Variants in CPNE8 observed in about 807,000 individuals in gnomAD.
The protein encoded by CPNE8 is copine 8.
A neutral mutation model predicts 81.5 loss-of-function variants in CPNE8; 45 were observed. The observed-to-expected ratio is 0.55, with a 90% confidence interval of 0.44 to 0.71. The LOEUF (loss-of-function observed/expected upper bound fraction) is 0.71. Ranked by LOEUF, CPNE8 falls within the 30% of genes least tolerant of loss-of-function variation. CPNE8 has a pLI of 0.00. For missense variants in CPNE8, 594 were observed against 672.1 expected, an observed-to-expected ratio of 0.88 and a Z score of 1.28; for synonymous variants, 252 against 226.3, an observed-to-expected ratio of 1.11 and a Z score of -1.02.
chr12:38,863,487 AACAACAAAAGCT>A (rs1349057998), intron 3 of CPNE8, among the ~76,000 whole-genome samples: 1 of 152,242 alleles, frequency 6.6e-6, no homozygotes, highest in Non-Finnish European at 1.5e-5. Flanking sequence ...GCGTAATCTT[AACAACAAAAGCT>A]ACAAGTTTAT....
chr12:38,750,372 C>T (rs1941330110), intron 10 of CPNE8, among the ~76,000 whole-genome samples: 1 of 152,148 alleles, frequency 6.6e-6, no homozygotes, highest in African/African-American at 2.4e-5. Context: ...GTCCTCCAGA[C>T]CCCAGAATGG....
At position 38,685,631 on chromosome 12, in the gene CPNE8, T is replaced by C. The variant is rs757044788; in HGVS notation, c.1144-14A>G. 3 of 1,606,920 alleles carry C rather than the reference T, an allele frequency of 1.9e-6. No individual in the cohort carries two copies. Among genetic ancestry groups the C allele is most frequent in the South Asian group, 2.2e-5 (2 of 89,310 alleles). On this transcript the variant is annotated splice_polypyrimidine_tract_variant and intron_variant, in intron 15 of 19. Coordinates refer to ENST00000331366, the MANE Select transcript of CPNE8 (RefSeq NM_153634.3). ...AGGATTCCCATTCTGTAGAAATTTATAGGCAAAACAAAACAAAACAACAGT... is the reference window on the plus strand; with the variant it reads ...AGGATTCCCATTCTGTAGAAATTTACAGGCAAAACAAAACAAAACAACAGT...
intron 15 of CPNE8, among the ~76,000 whole-genome samples, chr12:38,686,331 T>C (rs1939534612): frequency 6.6e-6 from 1 of 152,164 alleles, no homozygotes. Flanking sequence ...GAAGCTCTTA[T>C]TCTGGGAACA....
At chr12:38,787,442 A>T (rs1942219297) in intron 6 of CPNE8, among the ~76,000 whole-genome samples, 1 of 151,620 alleles carries the variant, frequency 6.6e-6, no homozygotes. Flanking sequence ...TATGGGATAC[A>T]GAAAATGCAG....
chr12:38,660,850 T>G (rs561272975), intron 19 of CPNE8, among the ~76,000 whole-genome samples: 2 of 152,168 alleles, frequency 1.3e-5, no homozygotes, highest in South Asian at 2.1e-4. Flanking sequence ...AACAGACATA[T>G]GAAAAAATGC....
intron 16 of CPNE8, among the ~76,000 whole-genome samples, chr12:38,678,021 A>G (rs1290241716): frequency 2.0e-5 from 3 of 152,118 alleles, no homozygotes; most frequent in African/African-American, 7.2e-5. Context: ...CAATATAAGC[A>G]TTGTATAAAT....
chr12:38,903,628 G>A (rs1944521207), intron 1 of CPNE8, among the ~76,000 whole-genome samples: 1 of 152,178 alleles, frequency 6.6e-6, no homozygotes, highest in Admixed American at 6.5e-5. Context: ...CCAAGTATAG[G>A]CCACATGCCA....
At chr12:38,829,508 T>C in intron 5 of CPNE8, 53 bp from the exon 6 acceptor site, 1 of 1,282,674 alleles carries the variant, frequency 7.8e-7, no homozygotes, top group Non-Finnish European at 1.1e-6. Flanking sequence ...ATCTTTACAG[T>C]ATATGTTTTG....
intron 6 of CPNE8, among the ~76,000 whole-genome samples, chr12:38,818,339 C>T (rs551315361): frequency 2.0e-5 from 3 of 152,168 alleles, no homozygotes; most frequent in South Asian, 2.1e-4. Flanking sequence ...CCTGTGTCCA[C>T]GTGTTCTCAT....
In CPNE8 at chr12:38,653,783, GA is replaced by G; in HGVS notation, c.*98del. Reference sequence around the variant, plus strand: ...ACATTAACTGCTGAAACCAAACTGAGAAAACTATCTCATTGCCTGGTTCATT... The same window carrying G: ...ACATTAACTGCTGAAACCAAACTGAGAAACTATCTCATTGCCTGGTTCATT... On this transcript the variant is annotated 3_prime_UTR_variant, in exon 20 of 20. Transcript: ENST00000331366. 6.9e-7 allele frequency: 1 copy of G among 1,445,060 alleles called. No homozygotes were observed. Among genetic ancestry groups the G allele is most frequent in the Non-Finnish European group, 9.1e-7 (1 of 1,102,258 alleles). The allele number at this position is 1,445,060 out of a possible 1,614,324, so 89.5% of individuals were successfully genotyped here.
chr12:38,824,442 A>G (rs936018109), intron 6 of CPNE8, among the ~76,000 whole-genome samples: 1 of 152,178 alleles, frequency 6.6e-6, no homozygotes, highest in Non-Finnish European at 1.5e-5. Flanking sequence ...TCCCAATTTT[A>G]CAGTTATCAT....
At chr12:38,845,265 C>T (rs1223298373) in intron 4 of CPNE8, among the ~76,000 whole-genome samples, 1 of 152,100 alleles carries the variant, frequency 6.6e-6, no homozygotes, top group Non-Finnish European at 1.5e-5. Context: ...TTCTCTTTTC[C>T]CAGTAAAACT....
chr12:38,878,241 C>G (rs1452911412), intron 1 of CPNE8, among the ~76,000 whole-genome samples: 2 of 152,202 alleles, frequency 1.3e-5, no homozygotes, highest in African/African-American at 4.8e-5. Flanking sequence ...AACTTGCTTT[C>G]ACTTTATTGA....
chr12:38,849,996 A>G (rs1346863194), intron 3 of CPNE8, among the ~76,000 whole-genome samples: 1 of 152,158 alleles, frequency 6.6e-6, no homozygotes, highest in Non-Finnish European at 1.5e-5. Context: ...TCCTCTATTT[A>G]AGTGTAAAAC....
chr12:38,875,635 T>C (rs984964925), intron 1 of CPNE8, among the ~76,000 whole-genome samples: 3 of 152,168 alleles, frequency 2.0e-5, no homozygotes, highest in African/African-American at 7.2e-5. Flanking sequence ...TTCTCAAAAG[T>C]GATTGCCGCC....
chr12:38,676,847 T>C (rs1346180040), intron 17 of CPNE8, among the ~76,000 whole-genome samples: 1 of 152,160 alleles, frequency 6.6e-6, no homozygotes, highest in Non-Finnish European at 1.5e-5. Context: ...CAAGTCCATA[T>C]TTTAAAGTGC....
intron 19 of CPNE8, among the ~76,000 whole-genome samples, chr12:38,654,386 A>C (rs887238377): frequency 1.3e-5 from 2 of 151,522 alleles, no homozygotes; most frequent in African/African-American, 4.9e-5. Flanking sequence ...GCGGTGGCAC[A>C]CCCTTGTAAT....
chr12:38,797,553 C>T (rs908914426), intron 6 of CPNE8, among the ~76,000 whole-genome samples: 1 of 152,116 alleles, frequency 6.6e-6, no homozygotes, highest in Non-Finnish European at 1.5e-5. Flanking sequence ...ATCTGTACAT[C>T]ACCATCATCA....
intron 1 of CPNE8, among the ~76,000 whole-genome samples, chr12:38,895,675 T>G (rs1400192073): frequency 6.6e-6 from 1 of 152,074 alleles, no homozygotes; most frequent in Non-Finnish European, 1.5e-5. Flanking sequence ...GTGTTTTGCA[T>G]CCTCAGAGAA....
Sources: gnomAD v4.1 joint callset for allele counts (sites outside exome capture counted in the v4.1 genomes callset) on GRCh38, gnomAD v4.1.1 for gene constraint, MANE v1.5 for transcripts, NCBI Gene and HGNC (gene_info 2026-07-23, HGNC 2026-07-21) for gene names.